PDE1A: variants seen among roughly 807,000 people sequenced by gnomAD.
PDE1A encodes phosphodiesterase 1A.
PDE1A carries 35 observed loss-of-function variants against 61.7 expected under a neutral mutation model. That is an observed-to-expected ratio of 0.57 (90% CI 0.43 to 0.75). The LOEUF (loss-of-function observed/expected upper bound fraction) is 0.75, where lower values mean the gene tolerates loss of function less well. PDE1A is among the 30% of genes least tolerant of loss of function. PDE1A has a pLI of 0.00. For synonymous variants in PDE1A, 232 were observed against 213.2 expected, an observed-to-expected ratio of 1.09 and a Z score of -0.77; for missense variants, 597 against 630.6, an observed-to-expected ratio of 0.95 and a Z score of 0.57.
At chr2:182,263,331 C>T (rs1005311916) in intron 2 of PDE1A, among the ~76,000 whole-genome samples, 2 of 152,090 alleles carry the variant, frequency 1.3e-5, no homozygotes, top group Non-Finnish European at 2.9e-5. Flanking sequence ...AGACAACTTG[C>T]TAACACCAAG....
chr2:182,670,966 C>G, the PDE1A span, among the ~76,000 whole-genome samples: 2 of 151,154 alleles, frequency 1.3e-5, no homozygotes, highest in Non-Finnish European at 2.9e-5. Flanking sequence ...TACAGGCGTA[C>G]ACCACCAAGC....
At chr2:182,266,680 G>C (rs1428273987) in intron 1 of PDE1A, among the ~76,000 whole-genome samples, 3 of 152,136 alleles carry the variant, frequency 2.0e-5, no homozygotes, top group Non-Finnish European at 4.4e-5. Flanking sequence ...CAGATGATGT[G>C]CATGGAGGTT....
At chr2:182,689,771 T>C in the PDE1A span, among the ~76,000 whole-genome samples, 1 of 152,084 alleles carries the variant, frequency 6.6e-6, no homozygotes, top group Admixed American at 6.5e-5. Flanking sequence ...ACAAAATTGA[T>C]AGACCGCTAG....
the PDE1A span, among the ~76,000 whole-genome samples, chr2:182,601,596 G>T: frequency 6.6e-6 from 1 of 152,228 alleles, no homozygotes; most frequent in Non-Finnish European, 1.5e-5. Context: ...AATGGAGGGT[G>T]AGCAAGATGA....
chr2:182,313,988 G>A lies in PDE1A; in HGVS notation c.54-49574C>T, dbSNP rs111747886. Among the ~76,000 whole-genome samples, 112 of 152,194 alleles carry A rather than the reference G, an allele frequency of 7.4e-4. 1 individual carries two copies. The highest frequency in any genetic ancestry group is 2.6e-3 in the African/African-American group (106 of 41,524). On this transcript the variant is annotated intron_variant, in intron 1 of 13. Coordinates refer to ENST00000351439, the Ensembl canonical transcript of PDE1A. ...GGAAAACCTAGCATGTTCTACTAAC[G>A]GTAAATATGCATTTCTTATACAGTC...
At chr2:182,583,970 T>C in the PDE1A span, among the ~76,000 whole-genome samples, 1 of 152,200 alleles carries the variant, frequency 6.6e-6, no homozygotes, top group African/African-American at 2.4e-5. Flanking sequence ...GATTCAATAA[T>C]ATTATTAAAT....
the PDE1A span, among the ~76,000 whole-genome samples, chr2:182,594,138 T>C: frequency 1.6e-4 from 24 of 152,360 alleles, no homozygotes; most frequent in Admixed American, 7.8e-4. Flanking sequence ...TCAAAGCCTA[T>C]ATCATGGTTT....
chr2:182,207,945 G>C (rs774204013), intron 7 of PDE1A, among the ~76,000 whole-genome samples: 5 of 152,222 alleles, frequency 3.3e-5, no homozygotes, highest in Non-Finnish European at 2.9e-5. Context: ...GCTTCTACAT[G>C]GTATTAGGCC....
At chr2:182,484,815 A>T (rs1181027426) in intron 2 of PDE1A, among the ~76,000 whole-genome samples, 16 of 152,120 alleles carry the variant, frequency 1.1e-4, no homozygotes, top group Admixed American at 3.9e-4. Context: ...CCGCAATGAG[A>T]CACCATCTCA....
intron 10 of PDE1A, among the ~76,000 whole-genome samples, chr2:182,198,648 T>A (rs1686343505): frequency 6.6e-6 from 1 of 151,870 alleles, no homozygotes; most frequent in Non-Finnish European, 1.5e-5. Context: ...CTTAATTTTT[T>A]AATATTAAAC....
At chr2:182,198,704 G>A (rs1686349817) in intron 10 of PDE1A, among the ~76,000 whole-genome samples, 1 of 151,400 alleles carries the variant, frequency 6.6e-6, no homozygotes, top group Non-Finnish European at 1.5e-5. Flanking sequence ...TAAATTGCTG[G>A]ATTTGATTTG....
At chr2:182,191,908 T>G (rs1348102658) in intron 10 of PDE1A, among the ~76,000 whole-genome samples, 1 of 151,732 alleles carries the variant, frequency 6.6e-6, no homozygotes, top group Non-Finnish European at 1.5e-5. Flanking sequence ...CAGGCTGGAG[T>G]GCAATGGCGC....
downstream of PDE1A, among the ~76,000 whole-genome samples, chr2:182,143,385 G>T (rs1690320357): frequency 6.6e-6 from 1 of 152,096 alleles, no homozygotes; most frequent in African/African-American, 2.4e-5. Context: ...AGAAAACATA[G>T]AAACTGAAGG....
At chr2:182,218,141 A>T (rs376562165) in intron 7 of PDE1A, among the ~76,000 whole-genome samples, 1 of 150,084 alleles carries the variant, frequency 6.7e-6, no homozygotes, top group African/African-American at 2.5e-5. Context: ...AAATTGGAAA[A>T]CATCATTCTC....
chr2:182,550,169 A>C, the PDE1A span, among the ~76,000 whole-genome samples: 1 of 152,234 alleles, frequency 6.6e-6, no homozygotes, highest in Admixed American at 6.5e-5. Context: ...TCTTCCTATA[A>C]ATAAAGAAAG....
chr2:182,259,640 T>C (rs1321013802), intron 2 of PDE1A, among the ~76,000 whole-genome samples: 1 of 152,216 alleles, frequency 6.6e-6, no homozygotes, highest in Admixed American at 6.5e-5. Flanking sequence ...AATCCAGACT[T>C]TGAACAACCT....
chr2:182,258,919 T>G (rs1312958309), intron 2 of PDE1A, among the ~76,000 whole-genome samples: 2 of 152,232 alleles, frequency 1.3e-5, no homozygotes, highest in Non-Finnish European at 2.9e-5. Context: ...TTTGTTCTTG[T>G]GCCTAGGTTT....
the PDE1A span, among the ~76,000 whole-genome samples, chr2:182,650,127 T>C: frequency 6.6e-6 from 1 of 152,102 alleles, no homozygotes; most frequent in Non-Finnish European, 1.5e-5. Flanking sequence ...AGCAAAAAGA[T>C]CCTAGATCTA....
At chr2:182,243,106 A>G (rs1296079835) in intron 2 of PDE1A, among the ~76,000 whole-genome samples, 7 of 152,144 alleles carry the variant, frequency 4.6e-5, no homozygotes, top group Non-Finnish European at 1.0e-4. Flanking sequence ...TTTCTCATGT[A>G]AAAATCCTAT....
Sources: gnomAD v4.1 joint callset for allele counts (sites outside exome capture counted in the v4.1 genomes callset) on GRCh38, gnomAD v4.1.1 for gene constraint, MANE v1.5 for transcripts, NCBI Gene and HGNC (gene_info 2026-07-23, HGNC 2026-07-21) for gene names.